LANCL3: variants seen among roughly 807,000 people sequenced by gnomAD.
The protein encoded by LANCL3 is lanC-like protein 3.
Under a neutral mutation model 26.5 loss-of-function variants are expected in LANCL3, and 19 were observed. That is an observed-to-expected ratio of 0.72 (90% CI 0.50 to 1.05). The LOEUF (loss-of-function observed/expected upper bound fraction) is 1.05. Among genes scored for constraint, LANCL3 ranks in the 50% least tolerant of loss-of-function variants. The probability of loss-of-function intolerance (pLI) is 0.00; values close to 1 mark genes in which losing one functional copy is unlikely to be tolerated. For missense variants in LANCL3, 318 were observed against 362.7 expected (o/e 0.88, Z 1.00); for synonymous variants, 160 against 166.6 (o/e 0.96, Z 0.30).
chrX:37,659,428 T>C (rs1556432023), intron 2 of LANCL3, 34 bp from the exon 3 acceptor site: 1 of 1,074,384 alleles, frequency 9.3e-7, no homozygotes, highest in Admixed American at 2.2e-5. Context: ...GTCCTCCCAA[T>C]TGTGTGAATT....
intron 1 of LANCL3, among the ~76,000 whole-genome samples, chrX:37,639,077 G>A (rs1556425622): frequency 9.3e-6 from 1 of 107,088 alleles, no homozygotes. Flanking sequence ...AACTCTTATG[G>A]ATAAAGCTGC....
At chrX:37,610,122 A>G (rs1556420976) in intron 1 of LANCL3, among the ~76,000 whole-genome samples, 1 of 112,048 alleles carries the variant, frequency 8.9e-6, no homozygotes, top group African/African-American at 3.2e-5. Flanking sequence ...TTGGGGCTAG[A>G]GGAACCATTT....
intron 1 of LANCL3, among the ~76,000 whole-genome samples, chrX:37,616,134 C>T (rs1180324702): frequency 9.0e-6 from 1 of 111,016 alleles, no homozygotes; most frequent in Non-Finnish European, 1.9e-5. Context: ...AAACAAGAAT[C>T]AAATTTAGTG....
At chrX:37,597,707 G>A (rs1217587844) in intron 1 of LANCL3, among the ~76,000 whole-genome samples, 5 of 94,451 alleles carry the variant, frequency 5.3e-5, no homozygotes, top group African/African-American at 2.0e-4. Flanking sequence ...GTAGAGGCAG[G>A]GTTCTCGCTA....
At chrX:37,590,901 A>C (rs1303483069) in intron 1 of LANCL3, among the ~76,000 whole-genome samples, 3 of 112,123 alleles carry the variant, frequency 2.7e-5, no homozygotes, top group Non-Finnish European at 5.6e-5. Context: ...GTTCCCAGTG[A>C]TACTGCTACT....
chrX:37,661,701 C>T (rs1259861231), intron 3 of LANCL3, among the ~76,000 whole-genome samples: 6 of 111,517 alleles, frequency 5.4e-5, no homozygotes, highest in African/African-American at 2.0e-4. Flanking sequence ...AAATAATTTT[C>T]ATTTATTTAA....
rs1925625603 is a variant in LANCL3 at position 37,634,054 on chromosome X, G to A, written c.574-21634G>A. ...CCCAGAGGTGGAGCCTACAGAGGCA[G>A]GCAGGCCTCCTTGAGCTGTGGTGGG... On this transcript the variant is annotated intron_variant, in intron 1 of 4. Transcript: ENST00000378619. Among the ~76,000 whole-genome samples, 3 of 112,780 alleles carry A rather than the reference G, an allele frequency of 2.7e-5. No homozygotes were observed. The South Asian group carries it at 1.1e-3, about 41-fold the overall frequency.
At chrX:37,619,524 AAC>A (rs1260800974) in intron 1 of LANCL3, among the ~76,000 whole-genome samples, 13 of 109,804 alleles carry the variant, frequency 1.2e-4, no homozygotes, top group African/African-American at 4.0e-4. Context: ...GGAATTTAAA[AAC>A]TGTAAATTTT....
At chrX:37,643,803 A>G (rs1925926144) in intron 1 of LANCL3, among the ~76,000 whole-genome samples, 1 of 111,805 alleles carries the variant, frequency 8.9e-6, no homozygotes, top group African/African-American at 3.2e-5. Context: ...TCAAACCTCC[A>G]AGGCCTGGAG....
chrX:37,641,436 C>T (rs1262740635), intron 1 of LANCL3, among the ~76,000 whole-genome samples: 9 of 110,298 alleles, frequency 8.2e-5, no homozygotes, highest in African/African-American at 2.3e-4. Context: ...CCAGACCCCC[C>T]GACATACCCC....
chrX:37,660,812 G>A (rs964185355), intron 3 of LANCL3, among the ~76,000 whole-genome samples: 1 of 111,077 alleles, frequency 9.0e-6, no homozygotes, highest in Non-Finnish European at 1.9e-5. Flanking sequence ...ATCCTTGAAA[G>A]TATAGTCTTG....
chrX:37,608,479 G>C (rs148950474), intron 1 of LANCL3, among the ~76,000 whole-genome samples: 1,654 of 111,824 alleles, frequency 0.015, 25 homozygotes, highest in African/African-American at 0.05. Context: ...AGGAGGGATA[G>C]GCGGGAAAAT....
At chrX:37,633,531 C>T (rs990414352) in intron 1 of LANCL3, among the ~76,000 whole-genome samples, 327 of 110,869 alleles carry the variant, frequency 2.9e-3, no homozygotes, top group Non-Finnish European at 3.8e-3. Context: ...CCAGTTTTTC[C>T]GCTCTGTTTT....
chrX:37,619,931 T>C (rs1925108962), intron 1 of LANCL3, among the ~76,000 whole-genome samples: 1 of 112,512 alleles, frequency 8.9e-6, no homozygotes, highest in Non-Finnish European at 1.9e-5. Context: ...AGTTCACATC[T>C]CTTCTTCAGA....
chrX:37,646,608 A>C (rs1391391259), intron 1 of LANCL3, among the ~76,000 whole-genome samples: 1 of 112,215 alleles, frequency 8.9e-6, no homozygotes, highest in African/African-American at 3.2e-5. Context: ...AATTTTGGAG[A>C]TGAGATGTTT....
intron 1 of LANCL3, among the ~76,000 whole-genome samples, chrX:37,638,985 T>A (rs1556425603): frequency 9.1e-6 from 1 of 110,196 alleles, no homozygotes; most frequent in African/African-American, 3.3e-5. Flanking sequence ...CTTTTTATTC[T>A]TAAGTAATAG....
chrX:37,635,873 C>T (rs1319798012), intron 1 of LANCL3, among the ~76,000 whole-genome samples: 6 of 109,996 alleles, frequency 5.5e-5, no homozygotes, highest in East Asian at 2.8e-4. Context: ...TTGTGTGTCA[C>T]GGGGGGTTTG....
rs782808944 is a variant in LANCL3 at position 37,672,732 on chromosome X, G to A, written c.1104-2922G>A. On this transcript the variant is annotated intron_variant, in intron 4 of 4. Transcript: ENST00000378619. The stretch of plus-strand genomic sequence containing the variant: ...TGGCATATCTTGGCACTCACAACGG[G>A]AACTGGTTTGGAGAAAGGTCCTGTG... 8.2e-4 allele frequency among the ~76,000 whole-genome samples: 91 copies of A among 111,459 alleles called. No individual in the cohort carries two copies. The Middle Eastern group carries it at 0.018, about 22-fold the overall frequency.
chrX:37,603,523 T>C (rs145590633), intron 1 of LANCL3, among the ~76,000 whole-genome samples: 3,584 of 110,503 alleles, frequency 0.032, 133 homozygotes, highest in African/African-American at 0.11. Flanking sequence ...ATATCCCGTC[T>C]TGTTTTCCAC....
Sources: gnomAD v4.1 joint callset for allele counts (sites outside exome capture counted in the v4.1 genomes callset) on GRCh38, gnomAD v4.1.1 for gene constraint, MANE v1.5 for transcripts, NCBI Gene and HGNC (gene_info 2026-07-23, HGNC 2026-07-21) for gene names.